Variants in PTPRR observed in about 807,000 individuals in gnomAD.
PTPRR encodes protein tyrosine phosphatase receptor type R.
In PTPRR, 38 loss-of-function variants were observed where a neutral mutation model predicts 77.2. The ratio of observed to expected loss-of-function variants is 0.49; its 90% confidence interval spans 0.38 to 0.65. The LOEUF (loss-of-function observed/expected upper bound fraction) is 0.65. PTPRR is among the 30% of genes least tolerant of loss of function. PTPRR has a pLI of 0.00. For missense variants in PTPRR, 744 were observed against 799.2 expected (o/e 0.93, Z 0.83); for synonymous variants, 299 against 283.1 (o/e 1.06, Z -0.57).
intron 2 of PTPRR, among the ~76,000 whole-genome samples, chr12:70,768,304 C>T (rs1325103919): frequency 6.6e-6 from 1 of 152,012 alleles, no homozygotes; most frequent in Non-Finnish European, 1.5e-5. Flanking sequence ...CAAATAGACG[C>T]AATAAAAAAT....
chr12:70,805,878 C>A (rs1891701500), intron 2 of PTPRR, among the ~76,000 whole-genome samples: 1 of 152,150 alleles, frequency 6.6e-6, no homozygotes, highest in Admixed American at 6.5e-5. Context: ...AGGCTATATA[C>A]ACATATATAG....
intron 6 of PTPRR, among the ~76,000 whole-genome samples, chr12:70,739,842 G>A (rs897766514): frequency 6.6e-6 from 1 of 152,114 alleles, no homozygotes; most frequent in Non-Finnish European, 1.5e-5. Context: ...GGAAGGACCA[G>A]GCAAACAGAA....
intron 2 of PTPRR, 26 bp from the exon 3 acceptor site, chr12:70,764,804 C>A: frequency 6.6e-7 from 1 of 1,509,758 alleles, no homozygotes; most frequent in South Asian, 1.1e-5. Flanking sequence ...AAAAATAAAT[C>A]CAAATTATAG....
rs913430224 is a variant in PTPRR at position 70,768,963 on chromosome 12, T to C, written c.358-4185A>G. On this transcript the variant is annotated intron_variant, in intron 2 of 13. Transcript: ENST00000283228. The stretch of plus-strand genomic sequence containing the variant: ...AGCCTTTGACAAAATTCAACAACCC[T>C]TCATGCTAAAAACTCTCAATGAATT... Among the ~76,000 whole-genome samples the C allele has an allele frequency of 2.1e-3, 321 of 151,120 alleles. 5 individuals carry two copies. The highest frequency in any genetic ancestry group is 7.1e-3 in the African/African-American group (290 of 40,630).
chr12:70,824,308 T>C (rs1379669983), intron 2 of PTPRR, among the ~76,000 whole-genome samples: 1 of 152,202 alleles, frequency 6.6e-6, no homozygotes, highest in Non-Finnish European at 1.5e-5. Flanking sequence ...ATACTTTTCT[T>C]TTTTGGTAAA....
intron 10 of PTPRR, among the ~76,000 whole-genome samples, chr12:70,665,756 A>G (rs934027874): frequency 9.2e-5 from 14 of 151,642 alleles, no homozygotes; most frequent in African/African-American, 3.4e-4. Flanking sequence ...GGGCTATGTG[A>G]GGAGGCGGTC....
chr12:70,823,858 C>T (rs1002237683), intron 2 of PTPRR, among the ~76,000 whole-genome samples: 6 of 152,114 alleles, frequency 3.9e-5, no homozygotes, highest in African/African-American at 4.8e-5. Context: ...GTCTTGTAAG[C>T]GGGATGTGCT....
intron 2 of PTPRR, among the ~76,000 whole-genome samples, chr12:70,857,499 A>G (rs1181989294): frequency 6.6e-6 from 1 of 152,196 alleles, no homozygotes; most frequent in African/African-American, 2.4e-5. Context: ...TTGAGGCTGT[A>G]TAATAGAATA....
chr12:70,851,092 G>A (rs1028416890), intron 2 of PTPRR, among the ~76,000 whole-genome samples: 2 of 151,878 alleles, frequency 1.3e-5, no homozygotes, highest in African/African-American at 2.4e-5. Flanking sequence ...AACCCTATGA[G>A]GTAAACTTAA....
At chr12:70,660,904 C>G (rs1368776258) in intron 12 of PTPRR, 36 bp downstream of exon 12, 3 of 1,571,026 alleles carry the variant, frequency 1.9e-6, no homozygotes, top group Middle Eastern at 2.0e-4. Context: ...AAAGAATGGG[C>G]CATTGCTTAG....
At chr12:70,671,827 G>C (rs1430757438) in intron 10 of PTPRR, 6 of 563,074 alleles carry the variant, frequency 1.1e-5, no homozygotes, top group Non-Finnish European at 1.9e-5. Flanking sequence ...GCAGTCATTG[G>C]TGCCAGTGCT....
intron 2 of PTPRR, among the ~76,000 whole-genome samples, chr12:70,856,692 G>A (rs1892657051): frequency 6.6e-6 from 1 of 152,094 alleles, no homozygotes; most frequent in Non-Finnish European, 1.5e-5. Context: ...GAAATTATTA[G>A]TCCTTAATTA....
chr12:70,694,292 G>T (rs546510574), intron 8 of PTPRR, among the ~76,000 whole-genome samples: 2 of 152,200 alleles, frequency 1.3e-5, no homozygotes, highest in African/African-American at 2.4e-5. Context: ...TTCTTTAAGT[G>T]TATCTATATT....
rs138085414 is a variant in PTPRR, at chr12:70,794,870, C to T, written c.358-30092G>A. 3.7e-3 allele frequency among the ~76,000 whole-genome samples: 557 copies of T among 152,210 alleles called. 4 individuals carry two copies. The highest frequency in any genetic ancestry group is 0.012 in the African/African-American group (479 of 41,496). Reference sequence around the variant, plus strand: ...ACAGGAGACCCCATAGAAGGTGACCCGGAGAGTAAGAGCAGAAAACTTCAC... The same window carrying T: ...ACAGGAGACCCCATAGAAGGTGACCTGGAGAGTAAGAGCAGAAAACTTCAC... On this transcript the variant is annotated intron_variant, in intron 2 of 13. Transcript: ENST00000283228.
At chr12:70,749,775 T>C (rs1393210872) in intron 5 of PTPRR, among the ~76,000 whole-genome samples, 1 of 152,212 alleles carries the variant, frequency 6.6e-6, no homozygotes. Flanking sequence ...GCCAGTGTTT[T>C]TATTGATCCA....
At chr12:70,791,834 A>G (rs551919947) in intron 2 of PTPRR, among the ~76,000 whole-genome samples, 1 of 152,280 alleles carries the variant, frequency 6.6e-6, no homozygotes, top group African/African-American at 2.4e-5. Context: ...TGTTGAGCTG[A>G]TTTCAGATAT....
intron 6 of PTPRR, among the ~76,000 whole-genome samples, chr12:70,723,265 T>C (rs1565666608): frequency 6.6e-6 from 1 of 151,986 alleles, no homozygotes; most frequent in Non-Finnish European, 1.5e-5. Flanking sequence ...GACTTGGAAA[T>C]TAAATCAAGG....
intron 6 of PTPRR, among the ~76,000 whole-genome samples, chr12:70,742,885 C>T (rs1008220011): frequency 1.3e-5 from 2 of 151,988 alleles, no homozygotes; most frequent in African/African-American, 4.8e-5. Context: ...TTCAGAGACT[C>T]ACAATTTAAA....
At chr12:70,670,103 C>G (rs1887164228) in intron 10 of PTPRR, among the ~76,000 whole-genome samples, 1 of 152,058 alleles carries the variant, frequency 6.6e-6, no homozygotes, top group Non-Finnish European at 1.5e-5. Flanking sequence ...AGTCAATGGG[C>G]AAAATGGGGC....
Sources: gnomAD v4.1 joint callset for allele counts (sites outside exome capture counted in the v4.1 genomes callset) on GRCh38, gnomAD v4.1.1 for gene constraint, MANE v1.5 for transcripts, NCBI Gene and HGNC (gene_info 2026-07-23, HGNC 2026-07-21) for gene names.